The following ANKS6 variants were observed in gnomAD, a reference collection of about 807,000 sequenced individuals.
ANKS6 encodes the protein ankyrin repeat and sterile alpha motif domain containing 6.
ANKS6 carries 47 observed loss-of-function variants against 77.9 expected under a neutral mutation model. The ratio of observed to expected loss-of-function variants is 0.60; its 90% CI spans 0.48 to 0.77. The LOEUF (loss-of-function observed/expected upper bound fraction) is 0.77, where lower values mean the gene tolerates loss of function less well. ANKS6 is among the 30% of genes least tolerant of loss of function. The probability of loss-of-function intolerance (pLI) is 0.00; values close to 1 mark genes in which losing one functional copy is unlikely to be tolerated. For synonymous variants in ANKS6, 488 were observed against 501.7 expected, an observed-to-expected ratio of 0.97 and a Z score of 0.37; for missense variants, 1,150 against 1,159.1, an observed-to-expected ratio of 0.99 and a Z score of 0.11.
Position 98,732,831 on chromosome 9 carries a change from T to A in ANKS6, c.*3688A>T. ...GTTGCTTCTACTCATTTTAAAGGAC[T>A]AAAAACAGAAAAACAGGCACCCAAC... On this transcript the variant is annotated 3_prime_UTR_variant, in exon 15 of 15. Transcript: ENST00000353234. 1 of 1,246,510 alleles carries A rather than the reference T, an allele frequency of 8.0e-7. No individual in the cohort carries two copies. The highest frequency in any genetic ancestry group is 1.0e-6 in the Non-Finnish European group (1 of 991,724). The allele number at this position is 1,246,510 out of a possible 1,614,324, so 77.2% of individuals were successfully genotyped here. A position where few individuals can be genotyped will look rare whatever the true frequency, so the allele number is the denominator to read the frequency against.
At chr9:98,792,992 G>A (rs1182022349) in intron 1 of ANKS6, among the ~76,000 whole-genome samples, 1 of 152,228 alleles carries the variant, frequency 6.6e-6, no homozygotes. Flanking sequence ...GTTTCTAATA[G>A]GTAACTGCCG....
At chr9:98,789,011 T>C (rs569377556) in intron 2 of ANKS6, among the ~76,000 whole-genome samples, 3 of 152,128 alleles carry the variant, frequency 2.0e-5, no homozygotes, top group Non-Finnish European at 4.4e-5. Context: ...TATTTCAGAC[T>C]TGTTCTGATT....
At chr9:98,760,386 A>G (rs1414987240) in intron 11 of ANKS6, among the ~76,000 whole-genome samples, 2 of 150,512 alleles carry the variant, frequency 1.3e-5, no homozygotes, top group East Asian at 2.0e-4. Context: ...GAAAGGCTCA[A>G]CCCTCTAATC....
Position 98,735,072 on chromosome 9 carries a change from C to T in ANKS6, c.*1447G>A, listed in dbSNP as rs1831422742. 2.0e-6 allele frequency: 2 copies of T among 985,312 alleles called. No individual in the cohort carries two copies. Among genetic ancestry groups the T allele is most frequent in the African/African-American group, 1.7e-5 (1 of 57,216 alleles). 61.0% of individuals were successfully genotyped at this position (985,312 alleles called of 1,614,324 possible). A position where few individuals can be genotyped will look rare whatever the true frequency, so the allele number is the denominator to read the frequency against. ...GAGAGATGGCACCTCCCAAGGAGAC[C>T]AACTTGTGGCTCAGCATGGCTCAAG... On this transcript the variant is annotated 3_prime_UTR_variant, in exon 15 of 15. Coordinates refer to ENST00000353234, the MANE Select transcript of ANKS6 (RefSeq NM_173551.5).
At position 98,734,378 on chromosome 9, in the gene ANKS6, C is replaced by G. The variant is rs1020632672; in HGVS notation, c.*2141G>C. 67 of 985,278 alleles carry G rather than the reference C, an allele frequency of 6.8e-5. No homozygotes were observed. The highest frequency in any genetic ancestry group is 7.6e-5 in the Non-Finnish European group (63 of 829,974). 61.0% of individuals were successfully genotyped at this position (985,278 alleles called of 1,614,324 possible). ...TGTATCATTGTTCAATCAAACTTAC[C>G]TGAGTGGAAGCTATACCAGTATATT... is the stretch of plus-strand genomic sequence containing the variant. On this transcript the variant is annotated 3_prime_UTR_variant, in exon 15 of 15. Coordinates refer to ENST00000353234, the MANE Select transcript of ANKS6 (RefSeq NM_173551.5).
Position 98,751,637 on chromosome 9 carries a change from A to G in ANKS6, c.2327-541T>C, listed in dbSNP as rs1832434655. Among the ~76,000 whole-genome samples the G allele has an allele frequency of 2.6e-5, 4 of 152,322 alleles. 1 individual carries two copies. The South Asian group carries it at 8.3e-4, about 32-fold the overall frequency. On this transcript the variant is annotated intron_variant, in intron 12 of 14. Coordinates refer to ENST00000353234, the MANE Select transcript of ANKS6 (RefSeq NM_173551.5). ...AACAGCAGAGCCACAAGGGCACAAG[A>G]AGATGATTTGGGGTGTCAGAACAGG...
Position 98,734,122 on chromosome 9 carries a change from G to C in ANKS6, c.*2397C>G. 1.0e-6 allele frequency: 1 copy of C among 985,450 alleles called. No homozygotes were observed. The highest frequency in any genetic ancestry group is 1.2e-6 in the Non-Finnish European group (1 of 830,006). 61.0% of individuals were successfully genotyped at this position (985,450 alleles called of 1,614,324 possible). On this transcript the variant is annotated 3_prime_UTR_variant, in exon 15 of 15. Coordinates refer to ENST00000353234, the MANE Select transcript of ANKS6 (RefSeq NM_173551.5). ...CCTTTCTCTTCCCTGCCTACCAGCC[G>C]CATCCAAACATCCCCAGAAAGGGTG...
intron 2 of ANKS6, among the ~76,000 whole-genome samples, chr9:98,786,938 T>C (rs1162721851): frequency 6.6e-6 from 1 of 152,122 alleles, no homozygotes. Context: ...CTTCAGTTTT[T>C]TTCGTCTATA....
intron 3 of ANKS6, 82 bp from the exon 4 acceptor site, chr9:98,784,239 C>A (rs975009536): frequency 9.3e-6 from 12 of 1,295,240 alleles, no homozygotes; most frequent in Non-Finnish European, 2.1e-6. Flanking sequence ...GTAACAAACA[C>A]TTGCTGGCCC....
intron 1 of ANKS6, among the ~76,000 whole-genome samples, chr9:98,795,527 G>C (rs191337522): frequency 2.2e-4 from 34 of 152,232 alleles, no homozygotes; most frequent in Admixed American, 2.2e-3. Context: ...CATTCTACCA[G>C]TCCTACCAGC....
Position 98,734,602 on chromosome 9 carries a change from A to G in ANKS6, c.*1917T>C. ...GTTAGTGGAAAAGGCACAGGCTTGC[A>G]AGCCCACCAGGTCCGGTTCTGACCC... On this transcript the variant is annotated 3_prime_UTR_variant, in exon 15 of 15. Coordinates refer to ENST00000353234, the MANE Select transcript of ANKS6 (RefSeq NM_173551.5). The G allele has an allele frequency of 1.0e-6, 1 of 984,000 alleles. No homozygotes were observed. The highest frequency in any genetic ancestry group is 1.2e-6 in the Non-Finnish European group (1 of 828,670). The allele number at this position is 984,000 out of a possible 1,614,324, so 61.0% of individuals were successfully genotyped here. A position where few individuals can be genotyped will look rare whatever the true frequency, so the allele number is the denominator to read the frequency against.
rs894797150 is a variant in ANKS6 at position 98,790,359 on chromosome 9, G to A, written c.607C>T (p.His203Tyr). ...TALMAAIQHGHEAVVRLLMEW... is the reference protein window; with the variant it reads ...TALMAAIQHGYEAVVRLLMEW... ...ATCAGTAGACGCACCACGGCCTCGT[G>A]CCCGTGCTGGATGGCAGCCATCAGG... Residue 203 changes from histidine (H) to tyrosine (Y), a missense_variant, in exon 2 of 15, where the codon CAC (histidine) becomes TAC (tyrosine). Physicochemically the swap from His to Tyr is moderately conservative, Grantham distance 83. Coordinates refer to ENST00000353234, the MANE Select transcript of ANKS6 (RefSeq NM_173551.5). The A allele has an allele frequency of 3.7e-6, 6 of 1,613,240 alleles. No homozygotes were observed. The African/African-American group carries it at 5.3e-5, about 14-fold the overall frequency.
rs763855876 is a variant in ANKS6, at chr9:98,780,238, C to T, written c.1319G>A (p.Arg440Gln). ...CAGCACTGGGATGCTCCAGGGCTGT[C>T]GGACCTTCGAGTGGGGCAGGGGAGG... ...HQPPLPHSKV[R>Q]QPWSIPVLPD... Residue 440 changes from arginine (R) to glutamine (Q), a missense_variant, in exon 6 of 15, where the codon CGA (arginine) becomes CAA (glutamine). By Grantham distance (43) the Arg-to-Gln change is conservative. Coordinates refer to ENST00000353234, the MANE Select transcript of ANKS6 (RefSeq NM_173551.5). 12 of 1,613,872 alleles carry T rather than the reference C, an allele frequency of 7.4e-6. No individual in the cohort carries two copies. Among genetic ancestry groups the T allele is most frequent in the African/African-American group, 4.0e-5 (3 of 74,934 alleles).
At chr9:98,767,543 G>A (rs1833369005) in intron 11 of ANKS6, among the ~76,000 whole-genome samples, 1 of 152,212 alleles carries the variant, frequency 6.6e-6, no homozygotes, top group African/African-American at 2.4e-5. Flanking sequence ...CCAGTTCACA[G>A]TTGGATCCTT....
In ANKS6 at chr9:98,770,967, G is replaced by A. The variant is rs373230756; in HGVS notation, c.1901C>T (p.Ser634Leu). 2.8e-5 allele frequency: 45 copies of A among 1,598,344 alleles called. No individual in the cohort carries two copies. The highest frequency in any genetic ancestry group is 3.6e-5 in the Non-Finnish European group (42 of 1,172,364). ...SSANSGNFNH[S>L]PHSSGGSSGV... The stretch of plus-strand genomic sequence containing the variant: ...ACTGGAGCCGCCCGATGAATGAGGC[G>A]AGTGGTTGAAGTTTCCAGAATTGGC... The change falls in exon 10 of 15, where the codon TCG (serine) becomes TTG (leucine). Residue 634 changes from serine (S) to leucine (L), a missense_variant. Ser to Leu is a moderately radical substitution (Grantham distance 145). Coordinates refer to ENST00000353234, the MANE Select transcript of ANKS6 (RefSeq NM_173551.5).
chr9:98,751,124 C>T (rs756840992), intron 12 of ANKS6, 28 bp from the exon 13 acceptor site: 7 of 1,546,008 alleles, frequency 4.5e-6, no homozygotes, highest in African/African-American at 2.8e-5. Flanking sequence ...GAAAAAAAAA[C>T]AACACATTTT....
At position 98,734,717 on chromosome 9, in the gene ANKS6, A is replaced by G; in HGVS notation, c.*1802T>C. The G allele has an allele frequency of 1.1e-6, 1 of 937,336 alleles. No individual in the cohort carries two copies. Among genetic ancestry groups the G allele is most frequent in the Non-Finnish European group, 1.3e-6 (1 of 786,216 alleles). 58.1% of individuals were successfully genotyped at this position (937,336 alleles called of 1,614,324 possible). On this transcript the variant is annotated 3_prime_UTR_variant, in exon 15 of 15. Transcript: ENST00000353234. ...CGAATGTGCAAGATGAGGTTACACA[A>G]TGCCACCTCCAGGGTGGCCATGAGG...
Position 98,735,368 on chromosome 9 carries a change from A to G in ANKS6, c.*1151T>C. On this transcript the variant is annotated 3_prime_UTR_variant, in exon 15 of 15. Transcript: ENST00000353234. ...GGCACCTGGTAGCTAACATAAATGC[A>G]ACAAGCACTGGCTGAATGAGTCATT... 1 of 1,074,124 alleles carries G rather than the reference A, an allele frequency of 9.3e-7. No homozygotes were observed. The highest frequency in any genetic ancestry group is 1.1e-6 in the Non-Finnish European group (1 of 888,934). The allele number at this position is 1,074,124 out of a possible 1,614,324, so 66.5% of individuals were successfully genotyped here. A position where few individuals can be genotyped will look rare whatever the true frequency, so the allele number is the denominator to read the frequency against.
At position 98,737,766 on chromosome 9, in the gene ANKS6, G is replaced by A. The variant is rs114811924; in HGVS notation, c.2512-1143C>T. On this transcript the variant is annotated intron_variant, in intron 14 of 14. Coordinates refer to ENST00000353234, the MANE Select transcript of ANKS6 (RefSeq NM_173551.5). ...TTCATATGGAACTGAAAAAGAGCCC[G>A]CGTAGCCAAAGCAAGAATAAGCAAA... is the stretch of plus-strand genomic sequence containing the variant. 6.3e-3 allele frequency among the ~76,000 whole-genome samples: 960 copies of A among 152,250 alleles called. 14 individuals carry two copies. The highest frequency in any genetic ancestry group is 0.021 in the African/African-American group (874 of 41,536).
Sources: allele counts gnomAD v4.1 joint callset (sites outside exome capture counted in the v4.1 genomes callset), GRCh38; gene constraint gnomAD v4.1.1; transcripts MANE v1.5; gene names NCBI Gene and HGNC (gene_info 2026-07-23, HGNC 2026-07-21).